RIPOR1: variants seen among roughly 807,000 people sequenced by gnomAD.
The protein encoded by RIPOR1 is RHO family interacting cell polarization regulator 1.
A neutral mutation model predicts 116.5 loss-of-function variants in RIPOR1; 58 were observed. That is an observed-to-expected ratio of 0.50 (90% CI 0.40 to 0.62). The LOEUF is 0.62. RIPOR1 is among the 20% of genes least tolerant of loss of function. The probability of loss-of-function intolerance (pLI) is 0.00; values close to 1 mark genes in which losing one functional copy is unlikely to be tolerated. For missense variants in RIPOR1, 1,372 were observed against 1,586.2 expected, an observed-to-expected ratio of 0.86 and a Z score of 2.29; for synonymous variants, 605 against 650.0, an observed-to-expected ratio of 0.93 and a Z score of 1.05.
Position 67,540,003 on chromosome 16 carries a change from C to T in RIPOR1, c.415-50C>T, listed in dbSNP as rs560458559. The T allele has an allele frequency of 1.2e-6, 2 of 1,613,724 alleles. No homozygotes were observed. Among genetic ancestry groups the T allele is most frequent in the Admixed American group, 1.7e-5 (1 of 60,004 alleles). On this transcript the variant is annotated intron_variant, in intron 6 of 21. Transcript: ENST00000042381. This position sits in a 1 kb window ranked among gnomAD's most constrained non-coding sequence, Gnocchi z 4.7. ...GTGAGCAACCTTAGAGGTGAGTAACCCCAGAGGTGAGTCTCAGTCCCCCTA... is the reference window on the plus strand; with the variant it reads ...GTGAGCAACCTTAGAGGTGAGTAACTCCAGAGGTGAGTCTCAGTCCCCCTA...
chr16:67,539,761 C>T lies in RIPOR1; in HGVS notation c.360+10C>T. 3.7e-6 allele frequency: 6 copies of T among 1,614,150 alleles called. No homozygotes were observed. Among genetic ancestry groups the T allele is most frequent in the Non-Finnish European group, 5.1e-6 (6 of 1,180,012 alleles). The stretch of plus-strand genomic sequence containing the variant: ...GTATGATCTGGACAAGGTGAGTATG[C>T]ATGGAATGGTACTGGAAGGGGTTGG... On this transcript the variant is annotated intron_variant, in intron 5 of 21. Coordinates refer to ENST00000042381, the MANE Select transcript of RIPOR1 (RefSeq NM_024519.4).
rs1184428661 is a variant in RIPOR1 at position 67,542,744 on chromosome 16, C to G, written c.1958C>G (p.Thr653Ser). ...PTPSGMGLVQTATSPTHPTTS... is the reference protein window; with the variant it reads ...PTPSGMGLVQSATSPTHPTTS... ...CCCAGTGGTATGGGCCTAGTCCAGA[C>G]TGCCACAAGTCCCACCCATCCTACC... Residue 653 changes from threonine (T) to serine (S), a missense_variant, in exon 13 of 22, where the codon ACT becomes AGT. This residue lies in a region of RIPOR1 where 1,005 missense variants were observed against 1,144.7 expected (regional missense o/e 0.88). Transcript: ENST00000042381. This position sits in a 1 kb window ranked among gnomAD's most constrained non-coding sequence, Gnocchi z 4.6. 6.2e-7 allele frequency: 1 copy of G among 1,613,622 alleles called. No homozygotes were observed. The highest frequency in any genetic ancestry group is 1.3e-5 in the African/African-American group (1 of 74,842).
At chr16:67,538,873 C>A in intron 3 of RIPOR1, 49 bp downstream of exon 3, 6 of 1,610,700 alleles carry the variant, frequency 3.7e-6, no homozygotes, top group Non-Finnish European at 4.2e-6. Context: ...CCTCCCCAAG[C>A]CCGCATCCTG....
chr16:67,542,161 G>A lies in RIPOR1; in HGVS notation c.1375G>A (p.Ala459Thr). Residue 459 changes from alanine to threonine, a missense_variant, in exon 13 of 22, where the codon GCC becomes ACC. Ala to Thr is a moderately conservative substitution (Grantham distance 58, BLOSUM62 0). Around this residue, in one of 3 missense-constraint regions of RIPOR1, gnomAD observed 1,005 missense variants for 1,144.7 expected, o/e 0.88. Transcript: ENST00000042381. This position sits in a 1 kb window ranked among gnomAD's most constrained non-coding sequence, Gnocchi z 4.6. Reference sequence around the variant, plus strand: ...CATCAGTGAGGCTAGTGTAGATGCTGCCTTGGCTGAGGCTTCAGTGGAGGC... The same window carrying A: ...CATCAGTGAGGCTAGTGTAGATGCTACCTTGGCTGAGGCTTCAGTGGAGGC... ...SHISEASVDA[A>T]LAEASVEAVG... is the part of the protein sequence containing the mutation. 2 of 1,613,936 alleles carry A rather than the reference G, an allele frequency of 1.2e-6. No individual in the cohort carries two copies. The highest frequency in any genetic ancestry group is 1.7e-6 in the Non-Finnish European group (2 of 1,179,916).
intron 1 of RIPOR1, among the ~76,000 whole-genome samples, chr16:67,535,846 C>T (rs1408642929): frequency 6.6e-6 from 1 of 152,044 alleles, no homozygotes; most frequent in Non-Finnish European, 1.5e-5. Context: ...TGGGAATGCA[C>T]AGGTCACCAG....
rs1039991353 is a variant in RIPOR1, at chr16:67,537,818, G to T, written c.-23-606G>T. On this transcript the variant is annotated intron_variant, in intron 1 of 21. Transcript: ENST00000042381. This position sits in a 1 kb window ranked among gnomAD's most constrained non-coding sequence, Gnocchi z 4.6. ...GGGGCCCTTCTCGGCATCGCGCCCA[G>T]CTCTGGGAATCCCCCTGCCTGGAGG... Among the ~76,000 whole-genome samples the T allele has an allele frequency of 6.6e-6, 1 of 152,024 alleles. No homozygotes were observed. The highest frequency in any genetic ancestry group is 1.9e-4 in the East Asian group (1 of 5,166).
At position 67,543,494 on chromosome 16, in the gene RIPOR1, G is replaced by A; in HGVS notation, c.2600+25G>A. On this transcript the variant is annotated intron_variant, in intron 14 of 21. Transcript: ENST00000042381. The surrounding 1 kb of genome is among the most constrained non-coding windows in gnomAD (Gnocchi z 4.7). Reference sequence around the variant, plus strand: ...GGTGAGGGGGCTAGGCAAGATGGGTGTGAGGCTAGGTGAGAGGGAAAAGGT... The same window carrying A: ...GGTGAGGGGGCTAGGCAAGATGGGTATGAGGCTAGGTGAGAGGGAAAAGGT... The A allele has an allele frequency of 6.5e-7, 1 of 1,545,688 alleles. No individual in the cohort carries two copies. The highest frequency in any genetic ancestry group is 1.2e-5 in the South Asian group (1 of 84,056).
At chr16:67,519,338 G>T (rs1306528594) in intron 1 of RIPOR1, among the ~76,000 whole-genome samples, 2 of 151,838 alleles carry the variant, frequency 1.3e-5, no homozygotes, top group Non-Finnish European at 2.9e-5. Context: ...AGGTAGGGAA[G>T]GCAGGGTGTA....
chr16:67,537,455 A>G lies in RIPOR1; in HGVS notation c.-23-969A>G, dbSNP rs1039608001. 8.0e-7 allele frequency: 1 copy of G among 1,242,324 alleles called. No individual in the cohort carries two copies. Among genetic ancestry groups the G allele is most frequent in the South Asian group, 3.2e-5 (1 of 30,976 alleles). The allele number at this position is 1,242,324 out of a possible 1,614,324, so 77.0% of individuals were successfully genotyped here. ...GAACTGGGCGGGGGGCGGCGCCGGG[A>G]GGAGCCGAAGCCGAGCCAGAGCCGC... On this transcript the variant is annotated intron_variant, in intron 1 of 21. Transcript: ENST00000042381. The surrounding 1 kb of genome is among the most constrained non-coding windows in gnomAD (Gnocchi z 4.6).
In RIPOR1 at chr16:67,545,739, G is replaced by A. The variant is rs746630784; in HGVS notation, c.3266G>A (p.Arg1089His). The change falls in exon 19 of 22, where the codon CGT (arginine) becomes CAT (histidine). Residue 1089 changes from arginine (R) to histidine (H), a missense_variant. This residue lies in a region of RIPOR1 where 1,005 missense variants were observed against 1,144.7 expected (regional missense o/e 0.88). Coordinates refer to ENST00000042381, the MANE Select transcript of RIPOR1 (RefSeq NM_024519.4). This position sits in a 1 kb window ranked among gnomAD's most constrained non-coding sequence, Gnocchi z 4.8. ...LKALRLAPEG[R>H]LRRDGLRALS... ...GCCCTGAGATTGGCGCCCGAGGGGC[G>A]TCTGCGAAGGGACGGGCTGCGGGCC... 42 of 1,608,808 alleles carry A rather than the reference G, an allele frequency of 2.6e-5. No homozygotes were observed. Among genetic ancestry groups the A allele is most frequent in the East Asian group, 2.2e-4 (10 of 44,838 alleles).
chr16:67,530,359 G>C lies in RIPOR1; in HGVS notation c.-24+1445G>C, dbSNP rs559789837. On this transcript the variant is annotated intron_variant, in intron 1 of 21. Transcript: ENST00000042381. This position sits in a 1 kb window ranked among gnomAD's most constrained non-coding sequence, Gnocchi z 4.5. ...CAGCCTCCGCCCGGTTCCGGGGTGG[G>C]GGGTCCGGGGCTGTGCCGCTCCCCC... Among the ~76,000 whole-genome samples the C allele has an allele frequency of 2.6e-5, 4 of 152,240 alleles. No homozygotes were observed.
chr16:67,532,835 C>T (rs1389803335), intron 1 of RIPOR1, among the ~76,000 whole-genome samples: 1 of 152,214 alleles, frequency 6.6e-6, no homozygotes, highest in Non-Finnish European at 1.5e-5. Context: ...GTTTTTGGCA[C>T]TGTCAAGTGG....
rs567068501 is a variant in RIPOR1 at position 67,538,227 on chromosome 16, C to T, written c.-23-197C>T. ...AAGTGGGGGCCGAGCCGAGGCCACG[C>T]TGAGTCCGAGGCCGAGTCGCCTGCG... On this transcript the variant is annotated intron_variant, in intron 1 of 21. Coordinates refer to ENST00000042381, the MANE Select transcript of RIPOR1 (RefSeq NM_024519.4). 6.5e-3 allele frequency: 3,469 copies of T among 534,236 alleles called. 18 individuals carry two copies. The highest frequency in any genetic ancestry group is 7.8e-3 in the Non-Finnish European group (2,625 of 336,796). The allele number at this position is 534,236 out of a possible 1,614,324, so 33.1% of individuals were successfully genotyped here.
Position 67,543,313 on chromosome 16 carries a change from G to C in RIPOR1, c.2479-35G>C, listed in dbSNP as rs749130888. 19 of 1,607,150 alleles carry C rather than the reference G, an allele frequency of 1.2e-5. No individual in the cohort carries two copies. The highest frequency in any genetic ancestry group is 1.5e-5 in the Non-Finnish European group (18 of 1,177,604). ...GGGCAACCAGGGAGGGCAGCCAGGG[G>C]GCGGCAGCCGCTCTGATGCCCTTCA... On this transcript the variant is annotated intron_variant, in intron 13 of 21. Coordinates refer to ENST00000042381, the MANE Select transcript of RIPOR1 (RefSeq NM_024519.4). This position sits in a 1 kb window ranked among gnomAD's most constrained non-coding sequence, Gnocchi z 4.7.
In RIPOR1 at chr16:67,529,815, G is replaced by A; in HGVS notation, c.-24+901G>A. 1 of 1,536,046 alleles carries A rather than the reference G, an allele frequency of 6.5e-7. No individual in the cohort carries two copies. Among genetic ancestry groups the A allele is most frequent in the South Asian group, 1.2e-5 (1 of 84,058 alleles). ...CATTCGGCCAACGCACAGCATCTGAGGAGGGTTATGACCATCTGGCAGATG... is the reference window on the plus strand; with the variant it reads ...CATTCGGCCAACGCACAGCATCTGAAGAGGGTTATGACCATCTGGCAGATG... On this transcript the variant is annotated intron_variant, in intron 1 of 21. Coordinates refer to ENST00000042381, the MANE Select transcript of RIPOR1 (RefSeq NM_024519.4). The surrounding 1 kb of genome is among the most constrained non-coding windows in gnomAD (Gnocchi z 4.1).
upstream of RIPOR1, among the ~76,000 whole-genome samples, chr16:67,527,652 A>G (rs899843726): frequency 1.3e-5 from 2 of 152,072 alleles, no homozygotes; most frequent in African/African-American, 2.4e-5. Context: ...CAAGGCGGGC[A>G]GATCACGAGG....
At position 67,529,970 on chromosome 16, in the gene RIPOR1, G is replaced by C; in HGVS notation, c.-24+1056G>C. ...GTGGTATTGGAGGGAGGAGAGGAAT[G>C]ATAATTGGGGGCTGAGGTACAAAAT... On this transcript the variant is annotated intron_variant, in intron 1 of 21. Transcript: ENST00000042381. This position sits in a 1 kb window ranked among gnomAD's most constrained non-coding sequence, Gnocchi z 4.1. 1 of 754,342 alleles carries C rather than the reference G, an allele frequency of 1.3e-6. No individual in the cohort carries two copies. Among genetic ancestry groups the C allele is most frequent in the Non-Finnish European group, 2.3e-6 (1 of 435,072 alleles). 46.7% of individuals were successfully genotyped at this position (754,342 alleles called of 1,614,324 possible).
chr16:67,533,848 C>T (rs980576538), intron 1 of RIPOR1, among the ~76,000 whole-genome samples: 6 of 150,674 alleles, frequency 4.0e-5, no homozygotes, highest in Non-Finnish European at 7.4e-5. Context: ...GCTCTTGTCG[C>T]CCAGGCTGGA....
In RIPOR1 at chr16:67,545,731, C is replaced by G; in HGVS notation, c.3258C>G (p.Pro1086=). The G allele has an allele frequency of 6.2e-7, 1 of 1,606,276 alleles. No homozygotes were observed. Among genetic ancestry groups the G allele is most frequent in the Non-Finnish European group, 8.5e-7 (1 of 1,176,318 alleles). ...TGCTGAAGGCCCTGAGATTGGCGCC[C>G]GAGGGGCGTCTGCGAAGGGACGGGC... is the stretch of plus-strand genomic sequence containing the variant. ...AVVLKALRLA[P]EGRLRRDGLR... Residue 1086 remains proline, a synonymous_variant, in exon 19 of 22, where the codon CCC becomes CCG. Coordinates refer to ENST00000042381, the MANE Select transcript of RIPOR1 (RefSeq NM_024519.4). The surrounding 1 kb of genome is among the most constrained non-coding windows in gnomAD (Gnocchi z 4.8).
Sources: gnomAD v4.1 joint callset for allele counts (sites outside exome capture counted in the v4.1 genomes callset) on GRCh38, gnomAD v4.1.1 for gene constraint, gnomAD v4.1.1 regional missense constraint, Gnocchi (gnomAD v3.1) non-coding constraint, MANE v1.5 for transcripts, NCBI Gene and HGNC (gene_info 2026-07-23, HGNC 2026-07-21) for gene names.